The following SH3PXD2A variants were observed in gnomAD, a reference collection of about 807,000 sequenced individuals.
The protein encoded by SH3PXD2A is SH3 and PX domain-containing protein 2A.
In SH3PXD2A, 32 loss-of-function variants were observed where a neutral mutation model predicts 115.2. The ratio of observed to expected loss-of-function variants is 0.28; its 90% CI spans 0.21 to 0.37. SH3PXD2A has a LOEUF of 0.37. Ranked by LOEUF, SH3PXD2A falls within the 10% of genes least tolerant of loss-of-function variation. SH3PXD2A has a pLI of 1.00. For missense variants in SH3PXD2A, 1,328 were observed against 1,498.7 expected (o/e 0.89, Z 1.88); for synonymous variants, 610 against 629.1 (o/e 0.97, Z 0.45).
At chr10:103,815,805 C>T (rs905749699) in intron 1 of SH3PXD2A, among the ~76,000 whole-genome samples, 3 of 151,480 alleles carry the variant, frequency 2.0e-5, no homozygotes, top group Non-Finnish European at 2.9e-5. Flanking sequence ...AGGACAATCG[C>T]TTGAACCTGG....
rs35917262 is a variant in SH3PXD2A at position 103,633,727 on chromosome 10, C to CAAAAAAA, written c.605-6532_605-6526dup. On this transcript the variant is annotated intron_variant, in intron 8 of 14. Coordinates refer to ENST00000369774, the MANE Select transcript of SH3PXD2A (RefSeq NM_001394015.1). ...TAGGCGATGGAGCAAGATTCTGTCT[C>CAAAAAAA]AAAAAAAAAAAAAAAAAAAAAAAAA... Among the ~76,000 whole-genome samples, 70 of 74,354 alleles carry CAAAAAAA rather than the reference C, an allele frequency of 9.4e-4. 3 individuals are homozygous for CAAAAAAA. The highest frequency in any genetic ancestry group is 3.3e-3 in the African/African-American group (64 of 19,192). 48.8% of individuals were successfully genotyped at this position (74,354 alleles called of 152,430 possible).
At chr10:103,706,915 C>T (rs147593180) in intron 5 of SH3PXD2A, among the ~76,000 whole-genome samples, 7 of 152,284 alleles carry the variant, frequency 4.6e-5, no homozygotes, top group African/African-American at 1.2e-4. Flanking sequence ...TTTATGAGGA[C>T]GGAATGGCAG....
rs556229351 is a variant in SH3PXD2A at position 103,619,957 on chromosome 10, T to C, written c.802+2513A>G. 1.1e-4 allele frequency among the ~76,000 whole-genome samples: 16 copies of C among 152,316 alleles called. No individual in the cohort carries two copies. The South Asian group carries it at 3.3e-3, about 32-fold the overall frequency. ...CCCAGCTCCTGGGTTTCCACCCAGT[T>C]GGCTCAGATGGCAGAGGCATGGACT... On this transcript the variant is annotated intron_variant, in intron 10 of 14. Coordinates refer to ENST00000369774, the MANE Select transcript of SH3PXD2A (RefSeq NM_001394015.1).
intron 13 of SH3PXD2A, among the ~76,000 whole-genome samples, chr10:103,611,338 G>A (rs142730900): frequency 2.4e-4 from 37 of 152,334 alleles, no homozygotes; most frequent in Middle Eastern, 3.4e-3. Flanking sequence ...TGGCTGGGAT[G>A]GATTTATTTA....
intron 8 of SH3PXD2A, among the ~76,000 whole-genome samples, chr10:103,644,682 A>G (rs2037010175): frequency 6.6e-6 from 1 of 151,960 alleles, no homozygotes; most frequent in Non-Finnish European, 1.5e-5. Context: ...ACTCCTAACT[A>G]TCCCCAGTAG....
Position 103,678,150 on chromosome 10 carries a change from T to G in SH3PXD2A, c.428-9498A>C, listed in dbSNP as rs770735108. The G allele has an allele frequency of 1.3e-5, 17 of 1,289,146 alleles. No individual in the cohort carries two copies. In the South Asian group the frequency reaches 1.7e-4, roughly 13 times the overall value. 79.9% of individuals were successfully genotyped at this position (1,289,146 alleles called of 1,614,324 possible). ...AGGAGCCGGAGCAGGAACGACCCGT[T>G]CATGTGTAATGTCTGGGGGGAGCAG... is the stretch of plus-strand genomic sequence containing the variant. On this transcript the variant is annotated intron_variant, in intron 6 of 14. Coordinates refer to ENST00000369774, the MANE Select transcript of SH3PXD2A (RefSeq NM_001394015.1).
rs191195443 is a variant in SH3PXD2A, at chr10:103,792,743, G to A, written c.153+8539C>T. Among the ~76,000 whole-genome samples the A allele has an allele frequency of 1.6e-4, 25 of 152,220 alleles. No homozygotes were observed. The East Asian group carries it at 4.4e-3, about 27-fold the overall frequency. On this transcript the variant is annotated intron_variant, in intron 2 of 14. Transcript: ENST00000369774. ...AACACACAACTCTGAGTACAGTTTC[G>A]TCATGACACAAGAACCCCCACCCAA... is the stretch of plus-strand genomic sequence containing the variant.
Position 103,770,701 on chromosome 10 carries a change from C to A in SH3PXD2A, c.154-3532G>T, listed in dbSNP as rs561695538. Among the ~76,000 whole-genome samples, 4 of 152,148 alleles carry A rather than the reference C, an allele frequency of 2.6e-5. No homozygotes were observed. In the East Asian group the frequency reaches 7.7e-4, roughly 29 times the overall value. ...GCTTCCATTTTCCGTGGCCAGTGGT[C>A]CATGGGGGTGGGGGATGACTGACAG... On this transcript the variant is annotated intron_variant, in intron 2 of 14. Transcript: ENST00000369774.
At chr10:103,693,991 C>G (rs1478857098) in intron 5 of SH3PXD2A, among the ~76,000 whole-genome samples, 1 of 152,176 alleles carries the variant, frequency 6.6e-6, no homozygotes, top group East Asian at 1.9e-4. Context: ...AAATCCTGCC[C>G]TTGCTCCTGC....
chr10:103,622,641 G>GTT, intron 9 of SH3PXD2A, 88 bp from the exon 10 acceptor site: 1 of 771,918 alleles, frequency 1.3e-6, no homozygotes, highest in East Asian at 2.8e-5. Context: ...GGGGGTGGGA[G>GTT]GAAGGGGCAC....
At chr10:103,740,729 T>G (rs1445626255) in intron 3 of SH3PXD2A, among the ~76,000 whole-genome samples, 5 of 152,240 alleles carry the variant, frequency 3.3e-5, no homozygotes, top group Admixed American at 3.3e-4. Flanking sequence ...TATGCATGCA[T>G]GTACAACTCC....
chr10:103,689,773 T>C (rs905666801), intron 6 of SH3PXD2A, among the ~76,000 whole-genome samples: 3 of 152,276 alleles, frequency 2.0e-5, no homozygotes, highest in Non-Finnish European at 2.9e-5. Context: ...GCAGGTTCAA[T>C]AGAGGGAAGA....
chr10:103,724,391 G>C, intron 4 of SH3PXD2A, 30 bp from the exon 5 acceptor site: 1 of 1,383,260 alleles, frequency 7.2e-7, no homozygotes, highest in Non-Finnish European at 1.0e-6. Context: ...AAGGGCATTA[G>C]GTGTGATGAA....
chr10:103,715,878 C>A (rs1476112593), intron 5 of SH3PXD2A, among the ~76,000 whole-genome samples: 1 of 152,198 alleles, frequency 6.6e-6, no homozygotes, highest in Non-Finnish European at 1.5e-5. Context: ...CTACGGGAAC[C>A]CTGAAGCAGG....
At chr10:103,608,609 C>T (rs1293776262) in intron 13 of SH3PXD2A, 5 of 145,652 alleles carry the variant, frequency 3.4e-5, no homozygotes, top group Non-Finnish European at 6.0e-5. Context: ...AAATATTGCA[C>T]ATTTTAATTA....
At position 103,641,436 on chromosome 10, in the gene SH3PXD2A, C is replaced by T. The variant is rs142064039; in HGVS notation, c.605-14234G>A. Among the ~76,000 whole-genome samples, 29 of 152,286 alleles carry T rather than the reference C, an allele frequency of 1.9e-4. No individual in the cohort carries two copies. The East Asian group carries it at 4.8e-3, about 25-fold the overall frequency. Reference sequence around the variant, plus strand: ...GCCTTAGGAAACTCAGAATGGGAGACTTACCCAAGGAGTGTGTGGCTAAGG... The same window carrying T: ...GCCTTAGGAAACTCAGAATGGGAGATTTACCCAAGGAGTGTGTGGCTAAGG... On this transcript the variant is annotated intron_variant, in intron 8 of 14. Coordinates refer to ENST00000369774, the MANE Select transcript of SH3PXD2A (RefSeq NM_001394015.1).
At chr10:103,609,942 A>G (rs1017702347) in intron 13 of SH3PXD2A, 1 of 152,276 alleles carries the variant, frequency 6.6e-6, no homozygotes. Flanking sequence ...TCTCATCTGT[A>G]AAATGGAACT....
At chr10:103,789,010 C>G (rs1009255825) in intron 2 of SH3PXD2A, among the ~76,000 whole-genome samples, 1 of 152,200 alleles carries the variant, frequency 6.6e-6, no homozygotes, top group Non-Finnish European at 1.5e-5. Flanking sequence ...TCACATCTCC[C>G]GGTCACCACA....
chr10:103,819,735 A>C (rs2039358655), intron 1 of SH3PXD2A, among the ~76,000 whole-genome samples: 1 of 152,080 alleles, frequency 6.6e-6, no homozygotes, highest in Non-Finnish European at 1.5e-5. Flanking sequence ...GGGAGCCCAG[A>C]AGGAGCAAAG....
Sources: allele counts gnomAD v4.1 joint callset (sites outside exome capture counted in the v4.1 genomes callset), GRCh38; gene constraint gnomAD v4.1.1; transcripts MANE v1.5; gene names NCBI Gene and HGNC (gene_info 2026-07-23, HGNC 2026-07-21).